Variants in RINT1 observed in about 807,000 individuals in gnomAD.
The protein encoded by RINT1 is RAD50 interactor 1.
RINT1 carries 75 observed loss-of-function variants against 97.7 expected under a neutral mutation model. The ratio of observed to expected loss-of-function variants is 0.77; its 90% confidence interval spans 0.64 to 0.93. The LOEUF (loss-of-function observed/expected upper bound fraction) is 0.93. Ranked by LOEUF, RINT1 falls within the 40% of genes least tolerant of loss-of-function variation. The pLI is 0.00. For synonymous variants in RINT1, 303 were observed against 326.3 expected (o/e 0.93, Z 0.77); for missense variants, 892 against 925.2 (o/e 0.96, Z 0.47).
At chr7:105,545,450 T>A (rs1047315872) in intron 4 of RINT1, among the ~76,000 whole-genome samples, 171 of 138,930 alleles carry the variant, frequency 1.2e-3, no homozygotes, top group East Asian at 1.8e-3. Flanking sequence ...GAGACTCTTT[T>A]AAAAAAAAAA....
chr7:105,548,027 C>T (rs1356441408), intron 6 of RINT1, among the ~76,000 whole-genome samples: 1 of 151,746 alleles, frequency 6.6e-6, no homozygotes, highest in Non-Finnish European at 1.5e-5. Context: ...GCACCTGGCT[C>T]ATTTTTGTGC....
At chr7:105,559,737 T>TAAC (rs376483988) in intron 11 of RINT1, among the ~76,000 whole-genome samples, 133 of 152,122 alleles carry the variant, frequency 8.7e-4, no homozygotes, top group African/African-American at 3.2e-3. Context: ...TAAAAAACAA[T>TAAC]AACTATATAG....
chr7:105,549,341 T>G (rs978854260), intron 7 of RINT1, among the ~76,000 whole-genome samples: 1 of 151,898 alleles, frequency 6.6e-6, no homozygotes, highest in Non-Finnish European at 1.5e-5. Flanking sequence ...GTTTTTGTAA[T>G]GCAGACTAGC....
Position 105,551,697 on chromosome 7 carries a change from GGTTATAACTGGTAA to G in RINT1, c.1464_1471+6del. On this transcript the variant is annotated splice_donor_variant and splice_donor_region_variant and coding_sequence_variant and intron_variant, in exon 10 of 15. Coordinates refer to ENST00000257700, the MANE Select transcript of RINT1 (RefSeq NM_021930.6). LOFTEE classifies it high-confidence loss of function. ...CAGAAACTTTTATGACTCTACTCTT[GGTTATAACTGGTAA>G]GTATGTCTTTTAAGATATGACTTTG... 6.3e-7 allele frequency: 1 copy of G among 1,595,932 alleles called. No individual in the cohort carries two copies. The highest frequency in any genetic ancestry group is 2.2e-5 in the East Asian group (1 of 44,516).
intron 3 of RINT1, among the ~76,000 whole-genome samples, chr7:105,537,491 G>A (rs1381857845): frequency 3.3e-5 from 5 of 151,742 alleles, no homozygotes; most frequent in Non-Finnish European, 7.4e-5. Flanking sequence ...GAAGTATAAC[G>A]TAACGGTTAT....
chr7:105,556,583 A>G (rs908532079), intron 11 of RINT1, among the ~76,000 whole-genome samples: 2 of 152,090 alleles, frequency 1.3e-5, no homozygotes, highest in East Asian at 1.9e-4. Context: ...TGGAAGGTAT[A>G]TTTTAAATAA....
intron 3 of RINT1, among the ~76,000 whole-genome samples, chr7:105,538,109 C>T (rs1335813412): frequency 6.6e-6 from 1 of 151,802 alleles, no homozygotes; most frequent in African/African-American, 2.4e-5. Context: ...TCTCCTGCCT[C>T]AGCCTCCCGA....
intron 14 of RINT1, 88 bp from the exon 15 acceptor site, chr7:105,567,031 A>G: frequency 1.3e-6 from 1 of 747,314 alleles, no homozygotes; most frequent in Non-Finnish European, 2.1e-6. Context: ...CCAGCAGTGC[A>G]GAGAAGCTGT....
rs76516959 is a variant in RINT1 at position 105,549,121 on chromosome 7, G to A, written c.996+411G>A. ...TCCTGCCTCAGCCTCCCAAGTAGCT[G>A]GGACTACAGGCACATGTCACCACAC... is the stretch of plus-strand genomic sequence containing the variant. On this transcript the variant is annotated intron_variant, in intron 7 of 14. Coordinates refer to ENST00000257700, the MANE Select transcript of RINT1 (RefSeq NM_021930.6). 5.7e-3 allele frequency among the ~76,000 whole-genome samples: 866 copies of A among 151,644 alleles called. 17 individuals are homozygous for A. The highest frequency in any genetic ancestry group is 0.035 in the East Asian group (179 of 5,146).
chr7:105,537,304 A>G (rs1401639660), intron 3 of RINT1, among the ~76,000 whole-genome samples: 2 of 142,696 alleles, frequency 1.4e-5, no homozygotes, highest in African/African-American at 5.0e-5. Flanking sequence ...CTAATTTTGT[A>G]TTTTAGGTAG....
intron 6 of RINT1, 152 bp downstream of exon 6, chr7:105,547,485 T>A (rs1458326808): frequency 1.4e-6 from 1 of 734,170 alleles, no homozygotes; most frequent in Non-Finnish European, 2.2e-6. Context: ...AGTGGTGGAC[T>A]GTACTCTTGC....
chr7:105,546,013 CG>C (rs907056409), intron 4 of RINT1, among the ~76,000 whole-genome samples: 1 of 63,076 alleles, frequency 1.6e-5, no homozygotes, highest in African/African-American at 6.2e-5. Context: ...GAAGGGGGGG[CG>C]GGGGGCGTTT....
At chr7:105,561,858 G>A (rs189301689) in intron 11 of RINT1, among the ~76,000 whole-genome samples, 7 of 151,830 alleles carry the variant, frequency 4.6e-5, no homozygotes, top group Admixed American at 4.6e-4. Flanking sequence ...CACCACGCCT[G>A]GCCGATAGTG....
chr7:105,553,312 G>C (rs536824768), intron 10 of RINT1, among the ~76,000 whole-genome samples: 1 of 151,200 alleles, frequency 6.6e-6, no homozygotes, highest in African/African-American at 2.4e-5. Flanking sequence ...TGCAACCTCC[G>C]CCTCCTGGGT....
chr7:105,550,276 G>A lies in RINT1; in HGVS notation c.1123G>A (p.Gly375Ser), dbSNP rs750040496. Residue 375 changes from glycine (G) to serine (S), a missense_variant, in exon 9 of 15, where the codon GGC becomes AGC. Transcript: ENST00000257700. ...ATTTTTTTAGCTTGAATTTTCTCGG[G>A]GCCTTATGATGCTGGTTCTTGAGAA... Reference protein sequence around the residue: ...LVNARLEFSRGLMMLVLEKLA... With the variant: ...LVNARLEFSRSLMMLVLEKLA... The A allele has an allele frequency of 1.9e-6, 3 of 1,613,706 alleles. No homozygotes were observed. The highest frequency in any genetic ancestry group is 2.5e-6 in the Non-Finnish European group (3 of 1,179,910).
intron 4 of RINT1, 132 bp downstream of exon 4, chr7:105,542,781 A>G: frequency 1.1e-6 from 1 of 933,314 alleles, no homozygotes; most frequent in Non-Finnish European, 1.5e-6. Context: ...GTTGTTGTGA[A>G]AATAGCATTA....
chr7:105,535,015 T>C (rs971147733), intron 2 of RINT1, among the ~76,000 whole-genome samples: 2 of 152,164 alleles, frequency 1.3e-5, no homozygotes, highest in African/African-American at 2.4e-5. Context: ...ATTTAGATAT[T>C]AATATTAATA....
chr7:105,558,348 C>A (rs1282048364), intron 11 of RINT1, among the ~76,000 whole-genome samples: 1 of 150,858 alleles, frequency 6.6e-6, no homozygotes, highest in Non-Finnish European at 1.5e-5. Flanking sequence ...TCATTTTGTA[C>A]TTTTATGTGT....
intron 14 of RINT1, chr7:105,566,639 CAAAAAA>C (rs965560966): frequency 7.1e-6 from 1 of 140,126 alleles, no homozygotes; most frequent in African/African-American, 2.6e-5. Context: ...GACCATGTCT[CAAAAAA>C]AAAAAGTAAA....
Sources: allele counts gnomAD v4.1 joint callset (sites outside exome capture counted in the v4.1 genomes callset), GRCh38; gene constraint gnomAD v4.1.1; transcripts MANE v1.5; gene names NCBI Gene and HGNC (gene_info 2026-07-23, HGNC 2026-07-21).